IFT88: variants seen among roughly 807,000 people sequenced by gnomAD.
The protein encoded by IFT88 is intraflagellar transport 88.
IFT88 carries 74 observed loss-of-function variants against 119.5 expected under a neutral mutation model. The ratio of observed to expected loss-of-function variants is 0.62; its 90% CI spans 0.51 to 0.75. The LOEUF (loss-of-function observed/expected upper bound fraction) is 0.75, where lower values mean the gene tolerates loss of function less well. Among genes scored for constraint, IFT88 ranks in the 30% least tolerant of loss-of-function variants. IFT88 has a pLI of 0.00. For synonymous variants in IFT88, 279 were observed against 316.7 expected (o/e 0.88, Z 1.26); for missense variants, 961 against 977.7 (o/e 0.98, Z 0.23).
intron 22 of IFT88, among the ~76,000 whole-genome samples, chr13:20,656,959 A>G (rs1398808878): frequency 6.6e-6 from 1 of 152,132 alleles, no homozygotes; most frequent in East Asian, 1.9e-4. Flanking sequence ...CCTGAGTTCA[A>G]GTGATTCTCC....
intron 24 of IFT88, among the ~76,000 whole-genome samples, chr13:20,690,077 T>C (rs2058332016): frequency 6.6e-6 from 1 of 152,200 alleles, no homozygotes; most frequent in Non-Finnish European, 1.5e-5. Flanking sequence ...ACCATCTTGT[T>C]CTGATTTATT....
chr13:20,575,114 A>G (rs2037136849), intron 2 of IFT88, among the ~76,000 whole-genome samples: 2 of 148,902 alleles, frequency 1.3e-5, no homozygotes, highest in African/African-American at 5.0e-5. Flanking sequence ...CCCTGCCACT[A>G]CCCTTCCCAG....
intron 1 of IFT88, 122 bp from the exon 2 acceptor site, chr13:20,574,258 T>C (rs937573638): frequency 6.3e-6 from 3 of 474,784 alleles, no homozygotes; most frequent in Non-Finnish European, 7.5e-6. Context: ...AGATCAAGGC[T>C]ATAGTGAGCC....
chr13:20,591,732 T>C, intron 6 of IFT88, 51 bp downstream of exon 6: 1 of 1,192,518 alleles, frequency 8.4e-7, no homozygotes, highest in Non-Finnish European at 1.2e-6. Context: ...TTTAATCTTT[T>C]ATCATTTTGT....
intron 21 of IFT88, among the ~76,000 whole-genome samples, chr13:20,654,479 T>C (rs894158464): frequency 6.6e-6 from 1 of 152,190 alleles, no homozygotes; most frequent in Non-Finnish European, 1.5e-5. Context: ...GTGAATAATA[T>C]GCATAAAATA....
At chr13:20,600,550 G>A (rs1213127528) in intron 11 of IFT88, among the ~76,000 whole-genome samples, 1 of 152,010 alleles carries the variant, frequency 6.6e-6, no homozygotes, top group Non-Finnish European at 1.5e-5. Context: ...TGAAATAGAG[G>A]GATTATATTG....
intron 3 of IFT88, among the ~76,000 whole-genome samples, chr13:20,584,454 T>C (rs2039276189): frequency 6.6e-6 from 1 of 152,202 alleles, no homozygotes; most frequent in Admixed American, 6.5e-5. Flanking sequence ...TTAAAAATAT[T>C]TGCTTTTCTA....
At chr13:20,643,643 A>G (rs777464673) in intron 19 of IFT88, 38 bp downstream of exon 19, 1 of 1,440,240 alleles carries the variant, frequency 6.9e-7, no homozygotes, top group Non-Finnish European at 9.5e-7. Flanking sequence ...GTGTTTTAGC[A>G]TTTTATGAAT....
Position 20,598,810 on chromosome 13 carries a change from A to G in IFT88, c.697+57A>G, listed in dbSNP as rs2042156472. The G allele has an allele frequency of 9.0e-6, 9 of 999,190 alleles. No homozygotes were observed. In the South Asian group the frequency reaches 1.2e-4, roughly 13 times the overall value. 61.9% of individuals were successfully genotyped at this position (999,190 alleles called of 1,614,324 possible). A position where few individuals can be genotyped will look rare whatever the true frequency, so the allele number is the denominator to read the frequency against. On this transcript the variant is annotated intron_variant, in intron 10 of 25. Transcript: ENST00000351808. ...TGTAATTCTTTCGTAGTGTTAATTT[A>G]TGTCTCTTCATTTTATGCTTCCTTA... is the stretch of plus-strand genomic sequence containing the variant.
At chr13:20,649,258 T>A (rs891089992) in intron 20 of IFT88, among the ~76,000 whole-genome samples, 1 of 152,148 alleles carries the variant, frequency 6.6e-6, no homozygotes, top group African/African-American at 2.4e-5. Context: ...AAACCATAGG[T>A]TAGGCCACAA....
intron 17 of IFT88, 80 bp downstream of exon 17, chr13:20,638,598 C>G: frequency 1.0e-6 from 1 of 969,016 alleles, no homozygotes; most frequent in Non-Finnish European, 1.4e-6. Flanking sequence ...GCTTAAAGAG[C>G]TCTAACACAT....
At chr13:20,615,218 T>G (rs931781008) in intron 13 of IFT88, among the ~76,000 whole-genome samples, 1 of 152,294 alleles carries the variant, frequency 6.6e-6, no homozygotes, top group Middle Eastern at 3.4e-3. Context: ...TATATATAAA[T>G]TCAAGAAGAA....
chr13:20,651,566 T>C (rs555976346), intron 20 of IFT88, among the ~76,000 whole-genome samples: 1 of 151,668 alleles, frequency 6.6e-6, no homozygotes, highest in Non-Finnish European at 1.5e-5. Context: ...CAAAACATGG[T>C]ACAGTAGTCC....
intron 1 of IFT88, chr13:20,568,023 C>T (rs373501203): frequency 1.1e-5 from 8 of 712,926 alleles, no homozygotes; most frequent in Non-Finnish European, 2.1e-5. Context: ...TAAAAAAAAT[C>T]GCAAAAAAGA....
chr13:20,579,670 C>T (rs1025457578), intron 2 of IFT88, among the ~76,000 whole-genome samples: 2 of 152,182 alleles, frequency 1.3e-5, no homozygotes, highest in Non-Finnish European at 2.9e-5. Flanking sequence ...ACCTAAGTTG[C>T]AAGACAAAGT....
intron 7 of IFT88, among the ~76,000 whole-genome samples, chr13:20,595,452 G>A (rs1190403290): frequency 2.0e-5 from 3 of 151,794 alleles, no homozygotes; most frequent in Non-Finnish European, 4.4e-5. Context: ...CCAACACCTG[G>A]CTAATTTTTG....
chr13:20,682,802 G>T (rs1040720499), intron 24 of IFT88, among the ~76,000 whole-genome samples: 5 of 152,218 alleles, frequency 3.3e-5, no homozygotes, highest in African/African-American at 9.7e-5. Flanking sequence ...GTGACAAATT[G>T]TTGGACTGCT....
At chr13:20,568,910 CGG>C (rs983668596) in intron 1 of IFT88, among the ~76,000 whole-genome samples, 8 of 151,850 alleles carry the variant, frequency 5.3e-5, no homozygotes, top group Non-Finnish European at 1.0e-4. Flanking sequence ...TTAGTAGAGA[CGG>C]GGTTTCACCG....
intron 18 of IFT88, chr13:20,642,082 A>G (rs2050042118): frequency 6.6e-6 from 1 of 152,138 alleles, no homozygotes; most frequent in South Asian, 2.1e-4. Flanking sequence ...AATGTTTTTA[A>G]TGCTTTTCAT....
Sources: gnomAD v4.1 joint callset for allele counts (sites outside exome capture counted in the v4.1 genomes callset) on GRCh38, gnomAD v4.1.1 for gene constraint, MANE v1.5 for transcripts, NCBI Gene and HGNC (gene_info 2026-07-23, HGNC 2026-07-21) for gene names.